Variants in KCNT2 observed in about 807,000 individuals in gnomAD.
KCNT2 encodes the protein potassium sodium-activated channel subfamily T member 2, also known as potassium channel subfamily T member 2.
A neutral mutation model predicts 153.8 loss-of-function variants in KCNT2; 67 were observed. The ratio of observed to expected loss-of-function variants is 0.44; its 90% CI spans 0.36 to 0.53. The LOEUF (loss-of-function observed/expected upper bound fraction) is 0.53, where lower values mean the gene tolerates loss of function less well. KCNT2 is among the 20% of genes least tolerant of loss of function. The pLI is 0.00. For synonymous variants in KCNT2, 500 were observed against 458.8 expected (o/e 1.09, Z -1.15); for missense variants, 975 against 1,354.8 (o/e 0.72, Z 4.40).
chr1:196,354,064 T>G (rs1480095772), intron 14 of KCNT2, among the ~76,000 whole-genome samples: 1 of 151,886 alleles, frequency 6.6e-6, no homozygotes, highest in African/African-American at 2.4e-5. Flanking sequence ...AACCTGTATG[T>G]TTTTGTGAAA....
At chr1:196,303,372 T>C (rs545698572) in intron 22 of KCNT2, among the ~76,000 whole-genome samples, 87 of 152,290 alleles carry the variant, frequency 5.7e-4, no homozygotes, top group Middle Eastern at 3.4e-3. Flanking sequence ...GATAAAGAGA[T>C]ATATGTAATT....
intron 8 of KCNT2, among the ~76,000 whole-genome samples, chr1:196,444,733 C>T (rs1171469569): frequency 3.3e-5 from 5 of 151,294 alleles, no homozygotes; most frequent in African/African-American, 1.2e-4. Flanking sequence ...ACCCTGAAGA[C>T]TCTAACAGCA....
intron 3 of KCNT2, among the ~76,000 whole-genome samples, chr1:196,488,732 A>G (rs1441226521): frequency 6.6e-6 from 1 of 152,058 alleles, no homozygotes; most frequent in East Asian, 1.9e-4. Flanking sequence ...CACACTATCA[A>G]TAAAATTGCT....
chr1:196,354,707 A>T (rs1289915385), intron 14 of KCNT2, among the ~76,000 whole-genome samples: 1 of 151,750 alleles, frequency 6.6e-6, no homozygotes, highest in Admixed American at 6.6e-5. Context: ...GATTGCAAGG[A>T]GATTTTAAAG....
At chr1:196,598,512 T>C (rs1664353632) in intron 1 of KCNT2, among the ~76,000 whole-genome samples, 1 of 152,178 alleles carries the variant, frequency 6.6e-6, no homozygotes, top group Non-Finnish European at 1.5e-5. Flanking sequence ...AAAAATTCCT[T>C]AACACTTATT....
At chr1:196,325,638 C>T (rs1165929606) in intron 19 of KCNT2, among the ~76,000 whole-genome samples, 1 of 152,052 alleles carries the variant, frequency 6.6e-6, no homozygotes, top group Non-Finnish European at 1.5e-5. Flanking sequence ...GAAATTTGGT[C>T]CAAGTTTCTG....
chr1:196,359,084 G>A (rs558666230), intron 14 of KCNT2, among the ~76,000 whole-genome samples: 11 of 151,888 alleles, frequency 7.2e-5, no homozygotes, highest in Non-Finnish European at 1.3e-4. Flanking sequence ...TATTTTTCCC[G>A]AATGATAAAT....
chr1:196,296,247 T>C (rs1450191490), intron 22 of KCNT2, among the ~76,000 whole-genome samples: 1 of 151,776 alleles, frequency 6.6e-6, no homozygotes, highest in Non-Finnish European at 1.5e-5. Flanking sequence ...AAATATTACA[T>C]AAATAAATAA....
intron 1 of KCNT2, among the ~76,000 whole-genome samples, chr1:196,502,536 A>G (rs566752347): frequency 3.9e-5 from 6 of 152,318 alleles, no homozygotes; most frequent in Admixed American, 3.3e-4. Flanking sequence ...ATAAAATGGG[A>G]TAAATAACAA....
At chr1:196,418,639 C>A (rs1041795336) in intron 12 of KCNT2, among the ~76,000 whole-genome samples, 4 of 152,052 alleles carry the variant, frequency 2.6e-5, no homozygotes, top group South Asian at 2.1e-4. Context: ...TATATGCACA[C>A]CCACCCCTGG....
At chr1:196,274,615 G>T (rs1658382823) in intron 25 of KCNT2, among the ~76,000 whole-genome samples, 1 of 151,764 alleles carries the variant, frequency 6.6e-6, no homozygotes, top group South Asian at 2.1e-4. Flanking sequence ...TAATAGTAAA[G>T]TGTTAATGAT....
Position 196,372,642 on chromosome 1 carries a change from G to A in KCNT2, c.1403+498C>T, listed in dbSNP as rs376040326. On this transcript the variant is annotated intron_variant, in intron 14 of 27. Coordinates refer to ENST00000294725, the MANE Select transcript of KCNT2 (RefSeq NM_198503.5). ...ATGCATATAAAAAGTGATTTATACTGCATTAGCTAATTTTATACAACTACT... is the reference window on the plus strand; with the variant it reads ...ATGCATATAAAAAGTGATTTATACTACATTAGCTAATTTTATACAACTACT... Among the ~76,000 whole-genome samples the A allele has an allele frequency of 2.0e-5, 3 of 151,898 alleles. No homozygotes were observed. The East Asian group carries it at 5.8e-4, about 29-fold the overall frequency.
chr1:196,343,628 A>C (rs1272564057), intron 14 of KCNT2, among the ~76,000 whole-genome samples: 1 of 152,162 alleles, frequency 6.6e-6, no homozygotes, highest in Non-Finnish European at 1.5e-5. Context: ...GCTTTAAAAA[A>C]TATCTATATT....
intron 1 of KCNT2, among the ~76,000 whole-genome samples, chr1:196,533,688 T>A (rs1655213021): frequency 6.6e-6 from 1 of 152,154 alleles, no homozygotes; most frequent in South Asian, 2.1e-4. Flanking sequence ...TATTTATTTA[T>A]TCACTCAATA....
At chr1:196,549,471 A>G (rs753738269) in intron 1 of KCNT2, among the ~76,000 whole-genome samples, 1 of 151,940 alleles carries the variant, frequency 6.6e-6, no homozygotes, top group Non-Finnish European at 1.5e-5. Context: ...TGTGACACTC[A>G]TAGTTTCACA....
chr1:196,240,837 A>C (rs1654885965), intron 26 of KCNT2, among the ~76,000 whole-genome samples: 1 of 152,074 alleles, frequency 6.6e-6, no homozygotes, highest in African/African-American at 2.4e-5. Context: ...GGTGGTATGA[A>C]ACAATTTTAC....
At chr1:196,371,625 C>A (rs1414572561) in intron 14 of KCNT2, among the ~76,000 whole-genome samples, 2 of 151,976 alleles carry the variant, frequency 1.3e-5, no homozygotes, top group Non-Finnish European at 2.9e-5. Flanking sequence ...AATTATATAA[C>A]AATGTTTTCA....
At chr1:196,570,458 T>G (rs1660648515) in intron 1 of KCNT2, among the ~76,000 whole-genome samples, 1 of 152,110 alleles carries the variant, frequency 6.6e-6, no homozygotes, top group South Asian at 2.1e-4. Flanking sequence ...TGTGGGAACC[T>G]CATCCCAACA....
intron 1 of KCNT2, among the ~76,000 whole-genome samples, chr1:196,553,055 A>G (rs1054146853): frequency 6.6e-6 from 1 of 151,276 alleles, no homozygotes; most frequent in Non-Finnish European, 1.5e-5. Flanking sequence ...TGGCAGGAAT[A>G]ACTCCCTACT....
Sources: allele counts gnomAD v4.1 joint callset (sites outside exome capture counted in the v4.1 genomes callset), GRCh38; gene constraint gnomAD v4.1.1; transcripts MANE v1.5; gene names NCBI Gene and HGNC (gene_info 2026-07-23, HGNC 2026-07-21).